Variants in BMPR1B observed in about 807,000 individuals in gnomAD.
BMPR1B encodes the protein bone morphogenetic protein receptor type-1B.
Under a neutral mutation model 59.1 loss-of-function variants are expected in BMPR1B, and 12 were observed. The ratio of observed to expected loss-of-function variants is 0.20; its 90% CI spans 0.13 to 0.33. BMPR1B has a LOEUF of 0.33. Among genes scored for constraint, BMPR1B ranks in the 10% least tolerant of loss-of-function variants. The pLI is 1.00. For synonymous variants in BMPR1B, 237 were observed against 207.3 expected, an observed-to-expected ratio of 1.14 and a Z score of -1.23; for missense variants, 550 against 610.9, an observed-to-expected ratio of 0.90 and a Z score of 1.05.
At chr4:94,984,298 C>T (rs3775031) in intron 2 of BMPR1B, among the ~76,000 whole-genome samples, 62,843 of 152,038 alleles carry the variant, frequency 0.41, 13,778 homozygotes, top group East Asian at 0.71. Flanking sequence ...TCCAGTAACA[C>T]CTGATATGCA....
intron 1 of BMPR1B, among the ~76,000 whole-genome samples, chr4:94,790,302 T>C (rs1430279615): frequency 2.0e-5 from 3 of 152,242 alleles, no homozygotes; most frequent in Non-Finnish European, 2.9e-5. Flanking sequence ...TAATAAAATA[T>C]TTGGTATAAG....
chr4:94,947,997 TTATA>T (rs1250328652), intron 2 of BMPR1B, among the ~76,000 whole-genome samples: 2 of 152,240 alleles, frequency 1.3e-5, no homozygotes, highest in Non-Finnish European at 2.9e-5. Flanking sequence ...GTTAAGTTCT[TTATA>T]TATGCTAGCT....
intron 3 of BMPR1B, among the ~76,000 whole-genome samples, chr4:95,037,415 A>G (rs927165597): frequency 4.6e-5 from 7 of 152,164 alleles, no homozygotes; most frequent in Non-Finnish European, 1.5e-5. Flanking sequence ...TGTTTGAGAA[A>G]AGAGGTTATT....
intron 1 of BMPR1B, among the ~76,000 whole-genome samples, chr4:94,843,050 G>A (rs535987181): frequency 1.2e-4 from 19 of 152,172 alleles, no homozygotes; most frequent in African/African-American, 3.6e-4. Flanking sequence ...GCCAGGCACT[G>A]TTTTAATGTT....
At chr4:94,841,683 G>T (rs932496922) in intron 1 of BMPR1B, among the ~76,000 whole-genome samples, 3 of 152,062 alleles carry the variant, frequency 2.0e-5, no homozygotes, top group African/African-American at 7.2e-5. Flanking sequence ...AGATGAACCC[G>T]GTACCTCAGA....
At chr4:94,794,243 C>G (rs1434450408) in intron 1 of BMPR1B, among the ~76,000 whole-genome samples, 1 of 144,376 alleles carries the variant, frequency 6.9e-6, no homozygotes, top group Admixed American at 6.8e-5. Context: ...ATATGGCTAG[C>G]CAGTTTTCCC....
intron 2 of BMPR1B, among the ~76,000 whole-genome samples, chr4:94,944,592 G>A (rs1179979121): frequency 6.6e-6 from 1 of 152,174 alleles, no homozygotes; most frequent in Non-Finnish European, 1.5e-5. Context: ...GGAATTATAT[G>A]TAATTTTTGC....
rs1723703731 is a variant in BMPR1B at position 94,808,749 on chromosome 4, A to AT, written c.-183+50682dup. On this transcript the variant is annotated intron_variant, in intron 1 of 12. Transcript: ENST00000515059. ...TACATTTCCAAAAGTTTTTGTTAAT[A>AT]TACTAATAATTAAAAAAGTTTTACA... Among the ~76,000 whole-genome samples, 6 of 152,262 alleles carry AT rather than the reference A, an allele frequency of 3.9e-5. No homozygotes were observed. The South Asian group carries it at 1.2e-3, about 32-fold the overall frequency.
intron 2 of BMPR1B, among the ~76,000 whole-genome samples, chr4:94,977,479 C>CTTTTTTTTT (rs5741894): frequency 7.2e-6 from 1 of 138,836 alleles, no homozygotes; most frequent in Non-Finnish European, 1.6e-5. Context: ...AGCAAGATGC[C>CTTTTTTTTT]TTTTTTTTTT....
At chr4:95,053,281 T>TTTG (rs947790944) in intron 3 of BMPR1B, among the ~76,000 whole-genome samples, 24 of 134,326 alleles carry the variant, frequency 1.8e-4, no homozygotes, top group South Asian at 1.3e-3. Context: ...TGCAGGGCAC[T>TTTG]TGTGTGTGTG....
intron 1 of BMPR1B, among the ~76,000 whole-genome samples, chr4:94,855,149 T>C (rs973532722): frequency 2.0e-5 from 3 of 152,184 alleles, no homozygotes; most frequent in African/African-American, 7.2e-5. Context: ...GGAATTCTGG[T>C]TCATATTGAG....
intron 10 of BMPR1B, among the ~76,000 whole-genome samples, chr4:95,139,915 C>T (rs1424635040): frequency 6.6e-6 from 1 of 152,204 alleles, no homozygotes; most frequent in Non-Finnish European, 1.5e-5. Context: ...CCTGCTTCGG[C>T]TCACACTGTG....
At chr4:94,787,556 T>C (rs1443453965) in intron 1 of BMPR1B, among the ~76,000 whole-genome samples, 2 of 152,306 alleles carry the variant, frequency 1.3e-5, no homozygotes, top group South Asian at 2.1e-4. Flanking sequence ...TCAGCCTCTT[T>C]GTCCTTTCAT....
intron 3 of BMPR1B, among the ~76,000 whole-genome samples, chr4:95,082,624 A>G (rs1729245969): frequency 6.6e-6 from 1 of 152,138 alleles, no homozygotes; most frequent in Non-Finnish European, 1.5e-5. Context: ...GAAATTAAGA[A>G]CTTGCTTAAG....
At chr4:95,053,310 T>A (rs1726659103) in intron 3 of BMPR1B, among the ~76,000 whole-genome samples, 1 of 151,438 alleles carries the variant, frequency 6.6e-6, no homozygotes, top group African/African-American at 2.4e-5. Context: ...TGTGTGTGTG[T>A]GTGTGTGTGT....
intron 1 of BMPR1B, among the ~76,000 whole-genome samples, chr4:94,825,799 T>C (rs1724361686): frequency 6.6e-6 from 1 of 152,194 alleles, no homozygotes; most frequent in South Asian, 2.1e-4. Flanking sequence ...GCAGTCTATT[T>C]TTCTGAATGG....
intron 3 of BMPR1B, among the ~76,000 whole-genome samples, chr4:95,010,753 G>T (rs928483318): frequency 4.6e-5 from 7 of 152,092 alleles, no homozygotes; most frequent in Non-Finnish European, 1.0e-4. Flanking sequence ...AACCACTCAG[G>T]TGTTCAGTAA....
At chr4:95,127,361 A>ATGT (rs1732982997) in intron 8 of BMPR1B, among the ~76,000 whole-genome samples, 1 of 152,170 alleles carries the variant, frequency 6.6e-6, no homozygotes, top group African/African-American at 2.4e-5. Flanking sequence ...AGGTCCTTAC[A>ATGT]TGTTATAATA....
At position 95,130,012 on chromosome 4, in the gene BMPR1B, G is replaced by C. The variant is rs369168607; in HGVS notation, c.736G>C (p.Glu246Gln). Residue 246 changes from glutamate (E) to glutamine (Q), a missense_variant, in exon 9 of 13, where the codon GAA (glutamate) becomes CAA (glutamine). Physicochemically the swap from Glu to Gln is conservative, Grantham distance 29 (BLOSUM62 2). Coordinates refer to ENST00000515059, the MANE Select transcript of BMPR1B (RefSeq NM_001203.3). ...TEEASWFRET[E>Q]IYQTVLMRHE... ...GGAAGCCAGCTGGTTCAGAGAGACAGAAATATATCAGACAGTGTTGATGAG... is the reference window on the plus strand; with the variant it reads ...GGAAGCCAGCTGGTTCAGAGAGACACAAATATATCAGACAGTGTTGATGAG... 1.8e-5 allele frequency: 29 copies of C among 1,613,976 alleles called. No homozygotes were observed. The highest frequency in any genetic ancestry group is 1.1e-4 in the East Asian group (5 of 44,878).
Sources: allele counts gnomAD v4.1 joint callset (sites outside exome capture counted in the v4.1 genomes callset), GRCh38; gene constraint gnomAD v4.1.1; transcripts MANE v1.5; gene names NCBI Gene and HGNC (gene_info 2026-07-23, HGNC 2026-07-21).